LTBP1: variants seen among roughly 807,000 people sequenced by gnomAD.
LTBP1 encodes latent transforming growth factor beta binding protein 1.
A neutral mutation model predicts 207.6 loss-of-function variants in LTBP1; 129 were observed. The observed-to-expected ratio is 0.62, with a 90% CI of 0.54 to 0.72. LTBP1 has a LOEUF of 0.72. LTBP1 is among the 30% of genes least tolerant of loss of function. The probability of loss-of-function intolerance (pLI) is 0.00; values close to 1 mark genes in which losing one functional copy is unlikely to be tolerated. For synonymous variants in LTBP1, 963 were observed against 833.7 expected (o/e 1.16, Z -2.67); for missense variants, 2,281 against 2,217.2 (o/e 1.03, Z -0.58).
chr2:33,006,366 C>A lies in LTBP1; in HGVS notation c.566-14543C>A, dbSNP rs184250856. Among the ~76,000 whole-genome samples, 51 of 147,542 alleles carry A rather than the reference C, an allele frequency of 3.5e-4. 1 individual carries two copies. Among genetic ancestry groups the A allele is most frequent in the Middle Eastern group, 7.0e-3 (2 of 284 alleles). ...AGAATAATTTCTCCATTCAGAATGT[C>A]AGAAATAAGAAAGCCTTTTTTTTTT... On this transcript the variant is annotated intron_variant, in intron 2 of 33. Coordinates refer to ENST00000404816, the MANE Select transcript of LTBP1 (RefSeq NM_206943.4).
chr2:33,367,983 G>C (rs560566280), intron 31 of LTBP1, among the ~76,000 whole-genome samples: 2 of 152,308 alleles, frequency 1.3e-5, no homozygotes, highest in Admixed American at 6.5e-5. Flanking sequence ...GGGAGGCCGA[G>C]GCGGGCGGAT....
chr2:33,188,509 G>T, intron 6 of LTBP1, 68 bp from the exon 7 acceptor site: 3 of 1,294,682 alleles, frequency 2.3e-6, no homozygotes, highest in Non-Finnish European at 3.2e-6. Flanking sequence ...TTACTTTCAT[G>T]TTTTAAAACT....
At chr2:33,060,117 C>T (rs1310270308) in intron 3 of LTBP1, among the ~76,000 whole-genome samples, 2 of 152,140 alleles carry the variant, frequency 1.3e-5, no homozygotes, top group Non-Finnish European at 2.9e-5. Context: ...ACTGTAGACT[C>T]CATTTCACTC....
At chr2:33,261,809 C>G (rs1162204948) in intron 13 of LTBP1, among the ~76,000 whole-genome samples, 5 of 152,144 alleles carry the variant, frequency 3.3e-5, no homozygotes, top group African/African-American at 9.7e-5. Context: ...GATATCCAGG[C>G]AGACTATCTT....
In LTBP1 at chr2:33,134,584, T is replaced by A; in HGVS notation, c.1034-209T>A. 6.5e-7 allele frequency: 1 copy of A among 1,537,234 alleles called. No homozygotes were observed. The highest frequency in any genetic ancestry group is 2.0e-5 in the Admixed American group (1 of 50,590). On this transcript the variant is annotated intron_variant, in intron 4 of 33. Coordinates refer to ENST00000404816, the MANE Select transcript of LTBP1 (RefSeq NM_206943.4). The surrounding 1 kb of genome is among the most constrained non-coding windows in gnomAD (Gnocchi z 4.4). Reference sequence around the variant, plus strand: ...CCAGAGTTCTGTTTGCTAAGCTTCCTACTCCTGTTTCAGAGACACCACTGA... The same window carrying A: ...CCAGAGTTCTGTTTGCTAAGCTTCCAACTCCTGTTTCAGAGACACCACTGA...
In LTBP1 at chr2:32,999,610, G is replaced by A. The variant is rs182900689; in HGVS notation, c.566-21299G>A. Among the ~76,000 whole-genome samples, 8 of 134,470 alleles carry A rather than the reference G, an allele frequency of 5.9e-5. 3 individuals carry two copies. The highest frequency in any genetic ancestry group is 7.8e-4 in the East Asian group (2 of 2,562). The allele number at this position is 134,470 out of a possible 152,430, so 88.2% of individuals were successfully genotyped here. ...CCCTGCCTCAAAAAGATCCAGAGGC[G>A]GCTGGGCGCGGTGGCTCACGCCTGT... is the stretch of plus-strand genomic sequence containing the variant. On this transcript the variant is annotated intron_variant, in intron 2 of 33. Coordinates refer to ENST00000404816, the MANE Select transcript of LTBP1 (RefSeq NM_206943.4).
intron 11 of LTBP1, among the ~76,000 whole-genome samples, chr2:33,254,827 T>C (rs2092790899): frequency 1.0e-5 from 1 of 99,128 alleles, no homozygotes; most frequent in Admixed American, 1.1e-4. Context: ...AATTCCCACC[T>C]ATGAGTGAGA....
chr2:33,178,373 G>A (rs1047686878), intron 5 of LTBP1, among the ~76,000 whole-genome samples: 1 of 152,168 alleles, frequency 6.6e-6, no homozygotes, highest in African/African-American at 2.4e-5. Flanking sequence ...CAGCAATGGC[G>A]AGGTTGATGA....
chr2:33,302,216 T>A (rs1035525834), intron 22 of LTBP1, among the ~76,000 whole-genome samples: 34 of 152,210 alleles, frequency 2.2e-4, no homozygotes, highest in Admixed American at 6.5e-5. Flanking sequence ...TGGGCTTCTT[T>A]TTCACTTTTA....
At chr2:33,222,463 T>G (rs137875590) in intron 9 of LTBP1, among the ~76,000 whole-genome samples, 1 of 152,366 alleles carries the variant, frequency 6.6e-6, no homozygotes, top group East Asian at 1.9e-4. Flanking sequence ...CATGGGCGTG[T>G]GCACACATGT....
At chr2:33,275,216 C>T in intron 17 of LTBP1, 126 bp downstream of exon 17, 1 of 1,117,282 alleles carries the variant, frequency 9.0e-7, no homozygotes, top group Non-Finnish European at 1.3e-6. Flanking sequence ...ATCATGACAG[C>T]AGTCTGCTAG....
intron 2 of LTBP1, among the ~76,000 whole-genome samples, chr2:32,956,505 T>G (rs964930668): frequency 1.3e-5 from 2 of 152,350 alleles, no homozygotes; most frequent in South Asian, 2.1e-4. Flanking sequence ...AACATGAGAT[T>G]GCAGCAATTC....
intron 7 of LTBP1, among the ~76,000 whole-genome samples, chr2:33,192,335 T>C (rs1298138898): frequency 6.6e-5 from 10 of 152,148 alleles, no homozygotes; most frequent in East Asian, 3.9e-4. Context: ...TGTGAGACAG[T>C]ATAGAGTGCA....
chr2:33,337,435 G>T (rs1201751039), intron 24 of LTBP1, among the ~76,000 whole-genome samples: 2 of 152,172 alleles, frequency 1.3e-5, no homozygotes, highest in African/African-American at 4.8e-5. Context: ...TGACATTTAT[G>T]TAATTTTTTA....
rs576339062 is a variant in LTBP1 at position 33,114,984 on chromosome 2, G to A, written c.1033+4233G>A. On this transcript the variant is annotated intron_variant, in intron 4 of 33. Transcript: ENST00000404816. Reference sequence around the variant, plus strand: ...CATTATTTGTAATAGCCAAGAGAGTGGGAACAACCCCAAATGTCCATCAAC... The same window carrying A: ...CATTATTTGTAATAGCCAAGAGAGTAGGAACAACCCCAAATGTCCATCAAC... Among the ~76,000 whole-genome samples the A allele has an allele frequency of 5.2e-4, 79 of 151,832 alleles. 1 individual carries two copies. Among genetic ancestry groups the A allele is most frequent in the African/African-American group, 1.8e-3 (76 of 41,378 alleles).
chr2:32,963,705 G>A (rs1679502011), intron 2 of LTBP1, among the ~76,000 whole-genome samples: 1 of 152,108 alleles, frequency 6.6e-6, no homozygotes, highest in Non-Finnish European at 1.5e-5. Flanking sequence ...ATCAAGGTGT[G>A]GTTCCAGGAC....
chr2:33,393,483 A>T (rs1170732645), intron 32 of LTBP1, among the ~76,000 whole-genome samples: 5 of 114,614 alleles, frequency 4.4e-5, no homozygotes, highest in Non-Finnish European at 6.6e-5. Flanking sequence ...GATGTTCCCC[A>T]TCCTGTGTCC....
intron 3 of LTBP1, among the ~76,000 whole-genome samples, chr2:33,080,449 A>G (rs1283799919): frequency 6.6e-6 from 1 of 152,140 alleles, no homozygotes; most frequent in African/African-American, 2.4e-5. Context: ...CTTAAGTCTA[A>G]TGTTCTTCTT....
At chr2:32,978,902 T>G (rs937432606) in intron 2 of LTBP1, among the ~76,000 whole-genome samples, 1 of 151,896 alleles carries the variant, frequency 6.6e-6, no homozygotes, top group Non-Finnish European at 1.5e-5. Flanking sequence ...TCTGTTCAGG[T>G]TTTGAATTTC....
Sources: allele counts gnomAD v4.1 joint callset (sites outside exome capture counted in the v4.1 genomes callset), GRCh38; gene constraint gnomAD v4.1.1; non-coding constraint Gnocchi (gnomAD v3.1); transcripts MANE v1.5; gene names NCBI Gene and HGNC (gene_info 2026-07-23, HGNC 2026-07-21).